Variants in GLI3 observed in about 807,000 individuals in gnomAD.
GLI3 encodes the protein transcription activator GLI3.
A neutral mutation model predicts 100.8 loss-of-function variants in GLI3; 20 were observed. The observed-to-expected ratio is 0.20, with a 90% CI of 0.14 to 0.29. The LOEUF is 0.29. GLI3 is among the 10% of genes least tolerant of loss of function. GLI3 has a pLI of 1.00. For missense variants in GLI3, 2,040 were observed against 2,128.5 expected, an observed-to-expected ratio of 0.96 and a Z score of 0.82; for synonymous variants, 938 against 860.5, an observed-to-expected ratio of 1.09 and a Z score of -1.58.
rs766812044 is a variant in GLI3, at chr7:41,965,791, G to A, written c.3282C>T (p.Asp1094=). The A allele has an allele frequency of 1.9e-6, 3 of 1,613,454 alleles. No homozygotes were observed. Among genetic ancestry groups the A allele is most frequent in the South Asian group, 1.1e-5 (1 of 91,074 alleles). The change falls in exon 15 of 15, where the codon GAC becomes GAT. Residue 1094 remains aspartate (D), a synonymous_variant. Coordinates refer to ENST00000395925, the MANE Select transcript of GLI3 (RefSeq NM_000168.6). ...ANLNDEDFLP[D]DVVQYLNSQN... is the part of the protein sequence containing the mutation. ...GGGAATTTAAATACTGCACCACGTCGTCCGGCAGGAAATCCTCATCGTTCA... is the reference window on the plus strand; with the variant it reads ...GGGAATTTAAATACTGCACCACGTCATCCGGCAGGAAATCCTCATCGTTCA...
chr7:41,973,692 T>A (rs1017536937), intron 12 of GLI3, among the ~76,000 whole-genome samples: 6 of 152,160 alleles, frequency 3.9e-5, no homozygotes, highest in African/African-American at 1.4e-4. Context: ...CCTATTATAT[T>A]TAAAAGGATG....
At chr7:42,005,482 C>CAA (rs1481255965) in intron 10 of GLI3, among the ~76,000 whole-genome samples, 1 of 151,936 alleles carries the variant, frequency 6.6e-6, no homozygotes, top group Admixed American at 6.6e-5. Context: ...CACACACACA[C>CAA]ACACACACAC....
upstream of GLI3, among the ~76,000 whole-genome samples, chr7:42,240,046 T>C (rs1788908910): frequency 6.6e-6 from 1 of 152,174 alleles, no homozygotes; most frequent in South Asian, 2.1e-4. Flanking sequence ...CTCTTTCCCT[T>C]TCCTGCAGTT....
chr7:42,041,850 G>C (rs1286136228), intron 6 of GLI3, among the ~76,000 whole-genome samples: 1 of 152,060 alleles, frequency 6.6e-6, no homozygotes, highest in Non-Finnish European at 1.5e-5. Flanking sequence ...CTAAGTTAGT[G>C]CCATCCACGT....
At chr7:42,015,028 G>A (rs1432441062) in intron 10 of GLI3, among the ~76,000 whole-genome samples, 1 of 152,100 alleles carries the variant, frequency 6.6e-6, no homozygotes, top group Non-Finnish European at 1.5e-5. Context: ...TTTGAATAAA[G>A]CTTTTGAGTT....
intron 2 of GLI3, chr7:42,149,985 T>A (rs1786816632): frequency 6.6e-6 from 1 of 152,244 alleles, no homozygotes; most frequent in Admixed American, 6.5e-5. Context: ...TCTGCCTGTG[T>A]GTAGGACTTG....
chr7:42,077,026 C>T (rs760670463), intron 3 of GLI3, among the ~76,000 whole-genome samples, 169 bp from the exon 4 acceptor site: 5 of 152,134 alleles, frequency 3.3e-5, no homozygotes, highest in Non-Finnish European at 7.3e-5. Flanking sequence ...GGTACTGCAG[C>T]AGTGTGACTA....
At chr7:42,078,990 A>G (rs1784941920) in intron 3 of GLI3, among the ~76,000 whole-genome samples, 1 of 152,068 alleles carries the variant, frequency 6.6e-6, no homozygotes, top group Non-Finnish European at 1.5e-5. Flanking sequence ...CGGCCTCCCA[A>G]AGTGCTGGGA....
intron 2 of GLI3, among the ~76,000 whole-genome samples, chr7:42,198,544 G>A (rs1281850148): frequency 6.6e-6 from 1 of 152,142 alleles, no homozygotes; most frequent in Non-Finnish European, 1.5e-5. Context: ...CACAGGCCAG[G>A]ACAAGTTCTG....
chr7:41,989,356 G>T (rs1408596471), intron 10 of GLI3, among the ~76,000 whole-genome samples: 4 of 152,130 alleles, frequency 2.6e-5, no homozygotes, highest in Non-Finnish European at 4.4e-5. Flanking sequence ...AAGAGCCAAG[G>T]TTTCTGATTT....
chr7:42,134,028 C>T (rs925805166), intron 3 of GLI3, among the ~76,000 whole-genome samples: 3 of 151,046 alleles, frequency 2.0e-5, no homozygotes, highest in African/African-American at 7.3e-5. Context: ...TTGCAGTGAG[C>T]CGAGATTGTG....
chr7:42,181,705 C>T lies in GLI3; in HGVS notation c.125-33237G>A, dbSNP rs568764059. 1.1e-4 allele frequency among the ~76,000 whole-genome samples: 17 copies of T among 152,260 alleles called. No homozygotes were observed. In the East Asian group the frequency reaches 2.1e-3, roughly 19 times the overall value. On this transcript the variant is annotated intron_variant, in intron 2 of 14. Transcript: ENST00000395925. ...TATAAATACCATTCAACTGTGATTT[C>T]GAGGTGTAATAAAAACATTCCATTG...
At chr7:42,069,775 T>C (rs1380951855) in intron 4 of GLI3, among the ~76,000 whole-genome samples, 1 of 152,232 alleles carries the variant, frequency 6.6e-6, no homozygotes, top group Non-Finnish European at 1.5e-5. Context: ...TGCCCTTGTA[T>C]TGCTAAAGCT....
At chr7:42,080,318 A>G (rs1784971657) in intron 3 of GLI3, among the ~76,000 whole-genome samples, 1 of 152,218 alleles carries the variant, frequency 6.6e-6, no homozygotes. Context: ...TGCATCTCCT[A>G]ACACTGCACC....
intron 2 of GLI3, among the ~76,000 whole-genome samples, chr7:42,156,019 C>T (rs1444685751): frequency 6.6e-6 from 1 of 152,108 alleles, no homozygotes; most frequent in Non-Finnish European, 1.5e-5. Context: ...ACGAGGTCAG[C>T]GAAGATTGCT....
At chr7:42,075,691 C>G (rs953549074) in intron 4 of GLI3, among the ~76,000 whole-genome samples, 4 of 152,204 alleles carry the variant, frequency 2.6e-5, no homozygotes, top group African/African-American at 9.6e-5. Context: ...AGATTTATTA[C>G]TTACCTCCAG....
intron 2 of GLI3, among the ~76,000 whole-genome samples, chr7:42,203,375 C>T (rs1315004665): frequency 6.6e-6 from 1 of 152,156 alleles, no homozygotes; most frequent in Non-Finnish European, 1.5e-5. Flanking sequence ...CTTTGACCAA[C>T]ATCTCCCCAG....
At chr7:42,091,753 G>T (rs990829048) in intron 3 of GLI3, among the ~76,000 whole-genome samples, 1 of 152,198 alleles carries the variant, frequency 6.6e-6, no homozygotes, top group Non-Finnish European at 1.5e-5. Context: ...ATATCCGCTC[G>T]CTCGGCTCAG....
intron 10 of GLI3, among the ~76,000 whole-genome samples, chr7:41,980,946 A>G (rs929525648): frequency 2.0e-5 from 3 of 152,220 alleles, no homozygotes; most frequent in Non-Finnish European, 4.4e-5. Context: ...TTATGAAGGG[A>G]GATAACAGGG....
Sources: allele counts gnomAD v4.1 joint callset (sites outside exome capture counted in the v4.1 genomes callset), GRCh38; gene constraint gnomAD v4.1.1; transcripts MANE v1.5; gene names NCBI Gene and HGNC (gene_info 2026-07-23, HGNC 2026-07-21).